The following CENPP variants were observed in gnomAD, a reference collection of about 807,000 sequenced individuals.
CENPP encodes the protein centromere protein P.
CENPP carries 24 observed loss-of-function variants against 35.6 expected under a neutral mutation model. The ratio of observed to expected loss-of-function variants is 0.67; its 90% CI spans 0.49 to 0.95. CENPP has a LOEUF of 0.95. Among genes scored for constraint, CENPP ranks in the 40% least tolerant of loss-of-function variants. The pLI, the probability that CENPP is intolerant of heterozygous loss-of-function variation, is 0.00. For missense variants in CENPP, 332 were observed against 345.3 expected, an observed-to-expected ratio of 0.96 and a Z score of 0.31; for synonymous variants, 120 against 125.5, an observed-to-expected ratio of 0.96 and a Z score of 0.29.
intron 5 of CENPP, among the ~76,000 whole-genome samples, chr9:92,477,582 T>C (rs1845756621): frequency 2.0e-5 from 3 of 152,170 alleles, no homozygotes; most frequent in East Asian, 3.9e-4. Flanking sequence ...AGGTCCTGTT[T>C]CTGGCTTTCT....
intron 5 of CENPP, among the ~76,000 whole-genome samples, chr9:92,506,143 G>T (rs1270582535): frequency 1.3e-5 from 2 of 152,216 alleles, no homozygotes; most frequent in African/African-American, 4.8e-5. Context: ...AGGCAATGGG[G>T]TGGGTAGAAG....
At chr9:92,540,515 G>A (rs1849293413) in intron 5 of CENPP, among the ~76,000 whole-genome samples, 1 of 151,922 alleles carries the variant, frequency 6.6e-6, no homozygotes, top group Non-Finnish European at 1.5e-5. Flanking sequence ...GCTCATGCCT[G>A]TAATCCCAGC....
intron 5 of CENPP, among the ~76,000 whole-genome samples, chr9:92,413,840 T>A (rs1319362586): frequency 6.6e-6 from 1 of 152,354 alleles, no homozygotes; most frequent in East Asian, 1.9e-4. Context: ...GTTCTGATAA[T>A]GCTAATAATT....
chr9:92,338,476 C>A (rs1221598353), intron 3 of CENPP, among the ~76,000 whole-genome samples: 1 of 152,160 alleles, frequency 6.6e-6, no homozygotes, highest in African/African-American at 2.4e-5. Context: ...TACTTTAAAT[C>A]ATTTCTAGAT....
At chr9:92,380,520 A>T (rs956676555) in intron 5 of CENPP, among the ~76,000 whole-genome samples, 2 of 140,544 alleles carry the variant, frequency 1.4e-5, no homozygotes, top group Admixed American at 1.4e-4. Flanking sequence ...CAGATCATGA[A>T]TATTGTTTTT....
intron 5 of CENPP, among the ~76,000 whole-genome samples, chr9:92,543,471 C>CAAAAA (rs71362401): frequency 9.0e-5 from 4 of 44,524 alleles, no homozygotes; most frequent in Non-Finnish European, 1.2e-4. Context: ...AACCCTGTCT[C>CAAAAA]AAAAAAAAAA....
chr9:92,379,715 C>A, intron 4 of CENPP, 48 bp from the exon 5 acceptor site: 1 of 1,361,600 alleles, frequency 7.3e-7, no homozygotes, highest in South Asian at 1.2e-5. Context: ...TAGATTGGGT[C>A]TATCATTTAA....
intron 5 of CENPP, among the ~76,000 whole-genome samples, chr9:92,436,299 A>C (rs936965270): frequency 5.3e-5 from 8 of 152,264 alleles, no homozygotes; most frequent in African/African-American, 1.9e-4. Context: ...TACTAGAACA[A>C]GGAGTACCTT....
rs766693756 is a variant in CENPP at position 92,494,153 on chromosome 9, A to G, written c.564+114294A>G. The G allele has an allele frequency of 3.1e-6, 5 of 1,597,054 alleles. No homozygotes were observed. The African/African-American group carries it at 5.3e-5, about 17-fold the overall frequency. On this transcript the variant is annotated intron_variant, in intron 5 of 7. Transcript: ENST00000375587. ...TAGAACAGCATCTGAAACACAGCTG[A>G]ATAAAGTCAGAGTAAGAAATGAATG...
chr9:92,434,463 GA>G (rs2130992428), intron 5 of CENPP, among the ~76,000 whole-genome samples: 1 of 151,734 alleles, frequency 6.6e-6, no homozygotes, highest in African/African-American at 2.4e-5. Context: ...ATTTGTGTAA[GA>G]ATTGCATGCT....
chr9:92,606,181 G>A (rs1851075150), intron 5 of CENPP, among the ~76,000 whole-genome samples: 1 of 152,142 alleles, frequency 6.6e-6, no homozygotes, highest in South Asian at 2.1e-4. Context: ...AGAATTGCTT[G>A]AGCCTGGGAG....
At position 92,416,799 on chromosome 9, in the gene CENPP, C is replaced by G. The variant is rs763598033; in HGVS notation, c.564+36940C>G. On this transcript the variant is annotated intron_variant, in intron 5 of 7. Transcript: ENST00000375587. ...AGAGTATGAAGTTTTGGAAGTTTGT[C>G]GAAGTATTTTTCGGGTATAGAAGAA... 9 of 1,613,648 alleles carry G rather than the reference C, an allele frequency of 5.6e-6. No individual in the cohort carries two copies. The South Asian group carries it at 6.6e-5, about 12-fold the overall frequency.
chr9:92,501,749 C>T (rs1048655587), intron 5 of CENPP, among the ~76,000 whole-genome samples: 1 of 152,216 alleles, frequency 6.6e-6, no homozygotes, highest in Non-Finnish European at 1.5e-5. Flanking sequence ...CTCCATCCTG[C>T]TTCTGAATGA....
intron 5 of CENPP, among the ~76,000 whole-genome samples, chr9:92,483,348 C>T (rs990572720): frequency 3.9e-5 from 6 of 152,200 alleles, no homozygotes; most frequent in East Asian, 3.9e-4. Context: ...CCTGCCTCAG[C>T]CTCCCGAGTA....
chr9:92,413,626 A>AT (rs534233147), intron 5 of CENPP, among the ~76,000 whole-genome samples: 7 of 150,220 alleles, frequency 4.7e-5, no homozygotes, highest in African/African-American at 7.3e-5. Flanking sequence ...GGGCCTTAAG[A>AT]TTTTTTTTTT....
At chr9:92,368,583 G>A (rs1448454113) in intron 4 of CENPP, among the ~76,000 whole-genome samples, 6 of 152,154 alleles carry the variant, frequency 3.9e-5, no homozygotes, top group Admixed American at 2.6e-4. Context: ...TGAGTTCATC[G>A]TCTGTTACAG....
chr9:92,364,788 T>C (rs911019404), intron 4 of CENPP, among the ~76,000 whole-genome samples: 1 of 152,216 alleles, frequency 6.6e-6, no homozygotes, highest in Non-Finnish European at 1.5e-5. Context: ...AAACCAATGA[T>C]ACATGGTAAT....
chr9:92,338,342 T>A (rs1840997769), intron 3 of CENPP, among the ~76,000 whole-genome samples: 1 of 151,940 alleles, frequency 6.6e-6, no homozygotes, highest in South Asian at 2.1e-4. Flanking sequence ...AAAATACAAT[T>A]ATCCCTCAGT....
Position 92,618,977 on chromosome 9 carries a change from G to A in CENPP, c.*5828G>A, listed in dbSNP as rs1851536088. ...CGAATTCCCAGAAACAGAGGGGACTGGACAAAACTAGTGACATTAGGGAGA... is the reference window on the plus strand; with the variant it reads ...CGAATTCCCAGAAACAGAGGGGACTAGACAAAACTAGTGACATTAGGGAGA... On this transcript the variant is annotated 3_prime_UTR_variant, in exon 8 of 8. Transcript: ENST00000375587. 7.4e-6 allele frequency: 2 copies of A among 269,322 alleles called. No individual in the cohort carries two copies. Among genetic ancestry groups the A allele is most frequent in the South Asian group, 8.6e-5 (2 of 23,348 alleles). 16.7% of individuals were successfully genotyped at this position (269,322 alleles called of 1,614,324 possible). A position where few individuals can be genotyped will look rare whatever the true frequency, so the allele number is the denominator to read the frequency against.
Sources: allele counts gnomAD v4.1 joint callset (sites outside exome capture counted in the v4.1 genomes callset), GRCh38; gene constraint gnomAD v4.1.1; transcripts MANE v1.5; gene names NCBI Gene and HGNC (gene_info 2026-07-23, HGNC 2026-07-21).